Variants in PRKG1 observed in about 807,000 individuals in gnomAD.
PRKG1 encodes the protein cGMP-dependent protein kinase 1.
In PRKG1, 35 loss-of-function variants were observed where a neutral mutation model predicts 88.1. That is an observed-to-expected ratio of 0.40 (90% CI 0.30 to 0.53). The LOEUF (loss-of-function observed/expected upper bound fraction) is 0.53, where lower values mean the gene tolerates loss of function less well. Ranked by LOEUF, PRKG1 falls within the 20% of genes least tolerant of loss-of-function variation. The pLI, the probability that PRKG1 is intolerant of heterozygous loss-of-function variation, is 0.59. For missense variants in PRKG1, 540 were observed against 839.8 expected, an observed-to-expected ratio of 0.64 and a Z score of 4.41; for synonymous variants, 303 against 292.5, an observed-to-expected ratio of 1.04 and a Z score of -0.37.
chr10:52,089,617 A>G (rs1344272593), intron 7 of PRKG1, among the ~76,000 whole-genome samples: 2 of 152,118 alleles, frequency 1.3e-5, no homozygotes, highest in Non-Finnish European at 2.9e-5. Context: ...GCAAGGAAGG[A>G]AGTCTGGTTT....
chr10:52,084,929 T>A (rs1373967749), intron 7 of PRKG1, among the ~76,000 whole-genome samples: 1 of 152,110 alleles, frequency 6.6e-6, no homozygotes, highest in Non-Finnish European at 1.5e-5. Flanking sequence ...GCAGATATTT[T>A]TTGAGGACCA....
At chr10:51,176,063 T>C (rs977015055) in intron 2 of PRKG1, among the ~76,000 whole-genome samples, 2 of 152,124 alleles carry the variant, frequency 1.3e-5, no homozygotes, top group Non-Finnish European at 2.9e-5. Flanking sequence ...TGAAAGCCTA[T>C]CATTTGGAGA....
Position 51,145,069 on chromosome 10 carries a change from G to A in PRKG1, c.312-8095G>A, listed in dbSNP as rs142200645. Among the ~76,000 whole-genome samples, 152 of 152,270 alleles carry A rather than the reference G, an allele frequency of 1.0e-3. No individual in the cohort carries two copies. The Middle Eastern group carries it at 0.017, about 17-fold the overall frequency. ...AAATGATTTCTTTAATGATCAATTTGAAAATCAAGTCATTGCAGTAATTGA... is the reference window on the plus strand; with the variant it reads ...AAATGATTTCTTTAATGATCAATTTAAAAATCAAGTCATTGCAGTAATTGA... On this transcript the variant is annotated intron_variant, in intron 1 of 17. Coordinates refer to ENST00000373980, the MANE Select transcript of PRKG1 (RefSeq NM_006258.4).
chr10:51,454,097 A>G lies in PRKG1; in HGVS notation c.479-13626A>G, dbSNP rs117423328. ...AACACTGCTGAAAGAAATCATCAAC[A>G]GCACAAACAAATGGAAACACATCCC... On this transcript the variant is annotated intron_variant, in intron 2 of 17. Coordinates refer to ENST00000373980, the MANE Select transcript of PRKG1 (RefSeq NM_006258.4). Among the ~76,000 whole-genome samples the G allele has an allele frequency of 2.8e-4, 43 of 152,192 alleles. No homozygotes were observed. In the East Asian group the frequency reaches 8.3e-3, roughly 29 times the overall value.
Position 51,390,694 on chromosome 10 carries a change from A to G in PRKG1, c.479-77029A>G, listed in dbSNP as rs146082803. On this transcript the variant is annotated intron_variant, in intron 2 of 17. Coordinates refer to ENST00000373980, the MANE Select transcript of PRKG1 (RefSeq NM_006258.4). ...CTTCTTCCTTATAACAACAGGTAAC[A>G]CCAACTGAAGTACTCTAGTAGAGGG... Among the ~76,000 whole-genome samples the G allele has an allele frequency of 7.0e-3, 1,065 of 152,310 alleles. 12 individuals carry two copies. The highest frequency in any genetic ancestry group is 0.025 in the African/African-American group (1,019 of 41,560).
At chr10:51,255,673 G>A (rs562420556) in intron 2 of PRKG1, among the ~76,000 whole-genome samples, 5 of 152,096 alleles carry the variant, frequency 3.3e-5, no homozygotes, top group East Asian at 3.9e-4. Context: ...CTGTTTTTTC[G>A]GGAGGAAGTA....
intron 2 of PRKG1, among the ~76,000 whole-genome samples, chr10:51,330,760 A>C (rs915154093): frequency 1.3e-5 from 2 of 152,000 alleles, no homozygotes; most frequent in African/African-American, 4.8e-5. Flanking sequence ...ATTTTCTTGG[A>C]GTTTGCTGAG....
intron 3 of PRKG1, among the ~76,000 whole-genome samples, chr10:51,727,068 C>A (rs867152605): frequency 6.6e-6 from 1 of 151,954 alleles, no homozygotes; most frequent in Non-Finnish European, 1.5e-5. Flanking sequence ...TATGAGCCAC[C>A]GCACCTGGCC....
chr10:51,329,930 C>CTTT (rs201514807), intron 2 of PRKG1, among the ~76,000 whole-genome samples: 2 of 132,070 alleles, frequency 1.5e-5, no homozygotes, highest in East Asian at 2.1e-4. Context: ...TTAGGGAAAT[C>CTTT]TTTTTTTTTT....
At chr10:51,472,342 A>G (rs1329708504) in intron 3 of PRKG1, among the ~76,000 whole-genome samples, 1 of 151,922 alleles carries the variant, frequency 6.6e-6, no homozygotes, top group Non-Finnish European at 1.5e-5. Context: ...AAATCTGCTG[A>G]CTGTCGAAAA....
chr10:51,937,420 T>TA (rs1378842232), intron 5 of PRKG1, among the ~76,000 whole-genome samples: 3 of 152,046 alleles, frequency 2.0e-5, no homozygotes, highest in African/African-American at 4.8e-5. Context: ...TTTAAGCTAT[T>TA]ATGTGCTCTC....
In PRKG1 at chr10:51,320,133, C is replaced by G. The variant is rs76649910; in HGVS notation, c.479-147590C>G. On this transcript the variant is annotated intron_variant, in intron 2 of 17. Coordinates refer to ENST00000373980, the MANE Select transcript of PRKG1 (RefSeq NM_006258.4). Reference sequence around the variant, plus strand: ...GGCATGAATGGGCTAAATACTTTGCCTGAAGGATTTTGCTTTCTACCCAGC... The same window carrying G: ...GGCATGAATGGGCTAAATACTTTGCGTGAAGGATTTTGCTTTCTACCCAGC... 868 of 163,154 alleles carry G rather than the reference C, an allele frequency of 5.3e-3. 6 individuals are homozygous for G. Among genetic ancestry groups the G allele is most frequent in the African/African-American group, 0.02 (819 of 41,644 alleles). 10.1% of individuals were successfully genotyped at this position (163,154 alleles called of 1,614,324 possible). A position where few individuals can be genotyped will look rare whatever the true frequency, so the allele number is the denominator to read the frequency against.
chr10:52,152,710 T>G (rs1339859015), intron 8 of PRKG1, among the ~76,000 whole-genome samples: 2 of 152,100 alleles, frequency 1.3e-5, no homozygotes, highest in Admixed American at 1.3e-4. Context: ...CTGCTTACTG[T>G]GTAAGGATGA....
At chr10:52,274,912 T>A (rs929046475) in intron 12 of PRKG1, among the ~76,000 whole-genome samples, 6 of 152,194 alleles carry the variant, frequency 3.9e-5, no homozygotes, top group African/African-American at 1.4e-4. Flanking sequence ...TTGGTTTTGA[T>A]TTGCATTCCC....
At chr10:51,649,642 G>T (rs1839992376) in intron 3 of PRKG1, among the ~76,000 whole-genome samples, 1 of 152,206 alleles carries the variant, frequency 6.6e-6, no homozygotes, top group Non-Finnish European at 1.5e-5. Context: ...AAAATGCTCA[G>T]CGAAGCAAGG....
intron 4 of PRKG1, among the ~76,000 whole-genome samples, chr10:51,851,487 G>A (rs559274552): frequency 1.4e-4 from 21 of 152,126 alleles, no homozygotes; most frequent in Non-Finnish European, 2.9e-4. Context: ...ACTGACAAAC[G>A]CTTCCCTATG....
intron 3 of PRKG1, among the ~76,000 whole-genome samples, chr10:51,736,336 G>A (rs181392604): frequency 6.6e-6 from 1 of 151,872 alleles, no homozygotes; most frequent in Non-Finnish European, 1.5e-5. Flanking sequence ...GACTGGTCTC[G>A]AACTCCTGGG....
rs536310216 is a variant in PRKG1 at position 52,114,872 on chromosome 10, G to A, written c.936-18968G>A. Among the ~76,000 whole-genome samples the A allele has an allele frequency of 2.6e-3, 396 of 152,230 alleles. 5 individuals are homozygous for A. The highest frequency in any genetic ancestry group is 8.9e-3 in the African/African-American group (370 of 41,560). On this transcript the variant is annotated intron_variant, in intron 7 of 17. Transcript: ENST00000373980. ...CGTCAGCATTCATAGAGAAGTGGCT[G>A]TGAATGGAGCATTGTAAAGGAAATA...
chr10:51,390,782 A>C (rs1435093428), intron 2 of PRKG1, among the ~76,000 whole-genome samples: 1 of 152,122 alleles, frequency 6.6e-6, no homozygotes, highest in Non-Finnish European at 1.5e-5. Context: ...ACCACGTATA[A>C]TTTTGCCTCG....
Sources: gnomAD v4.1 joint callset for allele counts (sites outside exome capture counted in the v4.1 genomes callset) on GRCh38, gnomAD v4.1.1 for gene constraint, MANE v1.5 for transcripts, NCBI Gene and HGNC (gene_info 2026-07-23, HGNC 2026-07-21) for gene names.